DNAAF5: variants seen among roughly 807,000 people sequenced by gnomAD.
The protein encoded by DNAAF5 is HEAT repeat containing 2.
DNAAF5 carries 64 observed loss-of-function variants against 75.8 expected under a neutral mutation model. The ratio of observed to expected loss-of-function variants is 0.84; its 90% CI spans 0.69 to 1.04. The LOEUF (loss-of-function observed/expected upper bound fraction) is 1.04. Ranked by LOEUF, DNAAF5 falls within the 50% of genes least tolerant of loss-of-function variation. The pLI is 0.00. For missense variants in DNAAF5, 1,269 were observed against 1,178.5 expected, an observed-to-expected ratio of 1.08 and a Z score of -1.12; for synonymous variants, 657 against 557.2, an observed-to-expected ratio of 1.18 and a Z score of -2.52.
chr7:743,920 TTTA>T lies in DNAAF5; in HGVS notation c.1024+2461_1024+2463del, dbSNP rs566532876. On this transcript the variant is annotated intron_variant, in intron 4 of 12. Coordinates refer to ENST00000297440, the MANE Select transcript of DNAAF5 (RefSeq NM_017802.4). ...AAGTTCTTTTTTTATTTTTTTATTA[TTTA>T]TTATTTATTTTTATTTTATTTTATT... Among the ~76,000 whole-genome samples, 201 of 149,854 alleles carry T rather than the reference TTTA, an allele frequency of 1.3e-3. 1 individual carries two copies. Among genetic ancestry groups the T allele is most frequent in the African/African-American group, 4.1e-3 (170 of 41,048 alleles).
intron 12 of DNAAF5, among the ~76,000 whole-genome samples, chr7:783,008 G>T (rs1299900950): frequency 6.6e-6 from 1 of 152,284 alleles, no homozygotes; most frequent in African/African-American, 2.4e-5. Context: ...TGGGCACCAG[G>T]CTCAGAAGAG....
chr7:739,096 CCT>C lies in DNAAF5; in HGVS notation c.781-1720_781-1719del, dbSNP rs1178286951. 3.8e-5 allele frequency among the ~76,000 whole-genome samples: 4 copies of C among 105,138 alleles called. No homozygotes were observed. The East Asian group carries it at 1.4e-3, about 36-fold the overall frequency. The allele number at this position is 105,138 out of a possible 152,430, so 69.0% of individuals were successfully genotyped here. A position where few individuals can be genotyped will look rare whatever the true frequency, so the allele number is the denominator to read the frequency against. On this transcript the variant is annotated intron_variant, in intron 2 of 12. Transcript: ENST00000297440. ...GCAGTCTGGCTTGTCTCAGCCACGC[CCT>C]CTGCCCCATCACTGTATACCTGTTT...
Position 773,544 on chromosome 7 carries a change from G to A in DNAAF5, c.1932-504G>A, listed in dbSNP as rs182148513. 2.2e-3 allele frequency among the ~76,000 whole-genome samples: 330 copies of A among 148,220 alleles called. 1 individual carries two copies. Among genetic ancestry groups the A allele is most frequent in the Non-Finnish European group, 3.6e-3 (244 of 68,010 alleles). The stretch of plus-strand genomic sequence containing the variant: ...GCTGTGGCCCTTGGGTCCCCGGACC[G>A]CGCCTGTGGCCCTCCCATCCCGCCT... On this transcript the variant is annotated intron_variant, in intron 9 of 12. Transcript: ENST00000297440.
intron 6 of DNAAF5, among the ~76,000 whole-genome samples, chr7:761,067 C>G (rs150168029): frequency 6.6e-6 from 1 of 152,202 alleles, no homozygotes; most frequent in Non-Finnish European, 1.5e-5. Flanking sequence ...TAATGCAGTG[C>G]GCCGTCATTT....
In DNAAF5 at chr7:743,642, C is replaced by CTT. The variant is rs1204447328; in HGVS notation, c.1024+2195_1024+2196dup. On this transcript the variant is annotated intron_variant, in intron 4 of 12. Coordinates refer to ENST00000297440, the MANE Select transcript of DNAAF5 (RefSeq NM_017802.4). ...AGTGAAGCCAGTGAGAACGCTCGAT[C>CTT]TTTTTTTTTTTTTTTTTTTGAGACA... 1.8e-3 allele frequency among the ~76,000 whole-genome samples: 223 copies of CTT among 123,692 alleles called. 3 individuals are homozygous for CTT. The highest frequency in any genetic ancestry group is 3.3e-3 in the African/African-American group (110 of 33,568). The allele number at this position is 123,692 out of a possible 152,430, so 81.1% of individuals were successfully genotyped here. A position where few individuals can be genotyped will look rare whatever the true frequency, so the allele number is the denominator to read the frequency against.
chr7:776,808 T>G (rs995500980), intron 11 of DNAAF5, among the ~76,000 whole-genome samples: 3 of 152,234 alleles, frequency 2.0e-5, no homozygotes, highest in African/African-American at 7.2e-5. Context: ...GGCCAGTACC[T>G]GTCCGGGTCC....
At chr7:746,619 C>T (rs1428952562) in intron 4 of DNAAF5, among the ~76,000 whole-genome samples, 1 of 151,484 alleles carries the variant, frequency 6.6e-6, no homozygotes. Flanking sequence ...GTGACGCCCT[C>T]CTTACGGTCC....
Position 780,125 on chromosome 7 carries a change from C to T in DNAAF5, c.2412C>T (p.Ala804=), listed in dbSNP as rs201689086. Residue 804 remains alanine (A), a synonymous_variant, in exon 12 of 13, where the codon GCC becomes GCT. Transcript: ENST00000297440. ...TTCACCTTGACGATCCAGAGAGGGC[C>T]ATCCAGGATGCAATTTTAGGTGAGA... ...LLVHLDDPER[A]IQDAILEVLK... is the part of the protein sequence containing the mutation. The T allele has an allele frequency of 1.2e-6, 2 of 1,613,960 alleles. No individual in the cohort carries two copies. The highest frequency in any genetic ancestry group is 2.2e-5 in the East Asian group (1 of 44,884).
At chr7:727,537 T>G in intron 1 of DNAAF5, 2 of 241,294 alleles carry the variant, frequency 8.3e-6, no homozygotes, top group East Asian at 7.1e-5. Context: ...CTGCCTCACG[T>G]CCCGCCACCA....
intron 6 of DNAAF5, among the ~76,000 whole-genome samples, chr7:757,267 G>A (rs1204616635): frequency 1.3e-5 from 2 of 152,196 alleles, no homozygotes; most frequent in Non-Finnish European, 2.9e-5. Context: ...CCAGCTGCAG[G>A]CGGCCGCTCA....
In DNAAF5 at chr7:770,613, C is replaced by T. The variant is rs760250159; in HGVS notation, c.1926C>T (p.Ser642=). ...TCAGAGCCACGGACACCATCAACTC[C>T]CAGGGGTAGGTCCGGGCTCTGCCTC... ...VLLRATDTIN[S]QGQFPSYLET... Residue 642 remains serine, a synonymous_variant, in exon 9 of 13, where the codon TCC becomes TCT. Coordinates refer to ENST00000297440, the MANE Select transcript of DNAAF5 (RefSeq NM_017802.4). 2.5e-6 allele frequency: 4 copies of T among 1,613,468 alleles called. No individual in the cohort carries two copies. The highest frequency in any genetic ancestry group is 3.4e-6 in the Non-Finnish European group (4 of 1,179,912).
At chr7:753,129 C>T (rs1782360899) in intron 4 of DNAAF5, among the ~76,000 whole-genome samples, 3 of 152,250 alleles carry the variant, frequency 2.0e-5, no homozygotes, top group Non-Finnish European at 4.4e-5. Flanking sequence ...GTTTCTAAAA[C>T]AGTTAAACGT....
chr7:779,378 A>AAG (rs1778863531), intron 11 of DNAAF5, among the ~76,000 whole-genome samples: 9 of 152,250 alleles, frequency 5.9e-5, no homozygotes, highest in Non-Finnish European at 1.0e-4. Context: ...GCTGCACAGA[A>AAG]GGGGGTGCCA....
intron 4 of DNAAF5, among the ~76,000 whole-genome samples, chr7:751,953 C>G: frequency 6.6e-6 from 1 of 152,158 alleles, no homozygotes; most frequent in Non-Finnish European, 1.5e-5. Flanking sequence ...TTGTGAAATT[C>G]TCGTGGGCGT....
In DNAAF5 at chr7:785,620, G is replaced by A. The variant is rs1326859026; in HGVS notation, c.2535G>A (p.Leu845=). Residue 845 remains leucine, a synonymous_variant, in exon 13 of 13, where the codon CTG becomes CTA. Coordinates refer to ENST00000297440, the MANE Select transcript of DNAAF5 (RefSeq NM_017802.4). ...CGGCCACCTACTGCGAGCAGCTCCT[G>A]CAGCATGTGCAGGCCGTGCCAGCCA... ...HRSATYCEQL[L]QHVQAVPATQ 5 of 1,612,970 alleles carry A rather than the reference G, an allele frequency of 3.1e-6. No homozygotes were observed. In the African/African-American group the frequency reaches 6.7e-5, roughly 22 times the overall value.
chr7:763,936 C>T lies in DNAAF5; in HGVS notation c.1745C>T (p.Pro582Leu), dbSNP rs922202805. 1.6e-5 allele frequency: 26 copies of T among 1,608,300 alleles called. No individual in the cohort carries two copies. The highest frequency in any genetic ancestry group is 1.6e-4 in the Middle Eastern group (1 of 6,062). ...ASHLDWTAHS[P>L]ELLQFSVIVA... ...CACCTTGACTGGACCGCACACTCGC[C>T]GGAGCTCCTGCAGTTCAGTGTCATC... Residue 582 changes from proline to leucine, a missense_variant, in exon 8 of 13, where the codon CCG (proline) becomes CTG (leucine). Physicochemically the swap from Pro to Leu is moderately conservative, Grantham distance 98 (BLOSUM62 -3). Coordinates refer to ENST00000297440, the MANE Select transcript of DNAAF5 (RefSeq NM_017802.4).
chr7:780,769 C>A (rs912752661), intron 12 of DNAAF5, among the ~76,000 whole-genome samples: 2 of 151,990 alleles, frequency 1.3e-5, no homozygotes, highest in Admixed American at 1.3e-4. Context: ...ACGCTCAGTG[C>A]ATTAAAATCC....
intron 8 of DNAAF5, among the ~76,000 whole-genome samples, chr7:770,034 C>T (rs1778502239): frequency 6.6e-6 from 1 of 152,166 alleles, no homozygotes; most frequent in Non-Finnish European, 1.5e-5. Context: ...TCACTGCAAC[C>T]TCCACCTCCC....
intron 4 of DNAAF5, among the ~76,000 whole-genome samples, chr7:751,570 ATTTTT>A (rs11439744): frequency 1.1e-5 from 1 of 92,276 alleles, no homozygotes; most frequent in African/African-American, 4.3e-5. Flanking sequence ...GTTGTTCTGA[ATTTTT>A]TTTTTTTTTT....
Sources: gnomAD v4.1 joint callset for allele counts (sites outside exome capture counted in the v4.1 genomes callset) on GRCh38, gnomAD v4.1.1 for gene constraint, MANE v1.5 for transcripts, NCBI Gene and HGNC (gene_info 2026-07-23, HGNC 2026-07-21) for gene names.